The following MTMR14 variants were observed in gnomAD, a reference collection of about 807,000 sequenced individuals.
MTMR14 encodes the protein phosphatidylinositol-3,5-bisphosphate 3-phosphatase MTMR14.
In MTMR14, 48 loss-of-function variants were observed where a neutral mutation model predicts 86.3. The observed-to-expected ratio is 0.56, with a 90% CI of 0.44 to 0.71. MTMR14 has a LOEUF of 0.71. Among genes scored for constraint, MTMR14 ranks in the 30% least tolerant of loss-of-function variants. MTMR14 has a pLI of 0.00. For missense variants in MTMR14, 780 were observed against 834.6 expected (o/e 0.93, Z 0.81); for synonymous variants, 366 against 326.1 (o/e 1.12, Z -1.32).
At chr3:9,650,920 C>G (rs2047245960) in intron 1 of MTMR14, among the ~76,000 whole-genome samples, 1 of 152,038 alleles carries the variant, frequency 6.6e-6, no homozygotes, top group South Asian at 2.1e-4. Context: ...TCCCAAGTAG[C>G]TGGGATTACA....
At chr3:9,652,436 G>A (rs1237514179) in intron 1 of MTMR14, among the ~76,000 whole-genome samples, 1 of 152,138 alleles carries the variant, frequency 6.6e-6, no homozygotes, top group South Asian at 2.1e-4. Context: ...AATAGAGCTT[G>A]TAGGTACTAG....
intron 14 of MTMR14, 33 bp downstream of exon 14, chr3:9,687,924 CAGGGCGCTCTGAGA>C (rs2076014841): frequency 1.9e-6 from 3 of 1,555,480 alleles, no homozygotes; most frequent in African/African-American, 2.7e-5. Context: ...CATGCTGGGC[CAGGGCGCTCTGAGA>C]AGGGCTGCTC....
rs969854494 is a variant in MTMR14, at chr3:9,701,656, T to A, written c.1770-134T>A. On this transcript the variant is annotated intron_variant, in intron 18 of 18. Transcript: ENST00000296003. This position sits in a 1 kb window ranked among gnomAD's most constrained non-coding sequence, Gnocchi z 4.2. ...TGGGGCCTGAACCACAAGGATAGCATGGCCGTAGGACAGACACTGGCCTTG... is the reference window on the plus strand; with the variant it reads ...TGGGGCCTGAACCACAAGGATAGCAAGGCCGTAGGACAGACACTGGCCTTG... 1.7e-5 allele frequency: 18 copies of A among 1,053,760 alleles called. No homozygotes were observed. The African/African-American group carries it at 2.8e-4, about 16-fold the overall frequency. 65.3% of individuals were successfully genotyped at this position (1,053,760 alleles called of 1,614,324 possible). A position where few individuals can be genotyped will look rare whatever the true frequency, so the allele number is the denominator to read the frequency against.
At chr3:9,695,728 C>T (rs1221049784) in intron 17 of MTMR14, among the ~76,000 whole-genome samples, 1 of 152,244 alleles carries the variant, frequency 6.6e-6, no homozygotes, top group Non-Finnish European at 1.5e-5. Context: ...GCATCCCTTC[C>T]ATTCCCTCAA....
intron 1 of MTMR14, among the ~76,000 whole-genome samples, chr3:9,652,609 TGGTGGCTCACCCAGGAGGCAGA>T (rs1378322485): frequency 2.0e-5 from 3 of 150,932 alleles, no homozygotes; most frequent in Non-Finnish European, 4.4e-5. Context: ...TGGCTGGGCG[TGGTGGCTCACCCAGGAGGCAGA>T]GGTTGCAGTG....
chr3:9,697,812 A>G lies in MTMR14; in HGVS notation c.1715A>G (p.His572Arg). 7 of 1,614,194 alleles carry G rather than the reference A, an allele frequency of 4.3e-6. No individual in the cohort carries two copies. The highest frequency in any genetic ancestry group is 5.9e-6 in the Non-Finnish European group (7 of 1,180,032). Residue 572 changes from histidine to arginine, a missense_variant, in exon 18 of 19, where the codon CAC becomes CGC. His to Arg is a conservative substitution (Grantham distance 29). Transcript: ENST00000296003. ...CGSIQERAVL[H>R]TDSSLPFSFP... ...AGTATTCAGGAGCGGGCTGTCCTGC[A>G]CACAGACTCCTCTCTCCCTTTCAGC...
At chr3:9,684,849 A>G in intron 11 of MTMR14, 39 bp from the exon 12 acceptor site, 2 of 1,604,602 alleles carry the variant, frequency 1.2e-6, no homozygotes, top group Non-Finnish European at 8.5e-7. Context: ...CCTGGGGATG[A>G]GAAGAGGGCT....
At chr3:9,672,831 C>A in intron 7 of MTMR14, 73 bp downstream of exon 7, 1 of 1,372,320 alleles carries the variant, frequency 7.3e-7, no homozygotes, top group Non-Finnish European at 1.0e-6. Flanking sequence ...GCCCTCTCTA[C>A]TTAGTTACAC....
At chr3:9,672,637 T>TTG in intron 6 of MTMR14, 48 bp from the exon 7 acceptor site, 4 of 1,457,650 alleles carry the variant, frequency 2.7e-6, no homozygotes, top group Non-Finnish European at 3.9e-6. Context: ...TGGTGTGTGT[T>TTG]TGTGTGTGTG....
At position 9,672,651 on chromosome 3, in the gene MTMR14, C is replaced by T. The variant is rs374240560; in HGVS notation, c.678-34C>T. 392 of 1,566,640 alleles carry T rather than the reference C, an allele frequency of 2.5e-4. 1 individual carries two copies. Among genetic ancestry groups the T allele is most frequent in the South Asian group, 1.0e-3 (90 of 90,114 alleles). On this transcript the variant is annotated intron_variant, in intron 6 of 18. Transcript: ENST00000296003. ...ATGGTGTGTGTTTGTGTGTGTGTTG[C>T]GACACTGTAACACATTGTATCCTTG...
intron 1 of MTMR14, among the ~76,000 whole-genome samples, chr3:9,653,157 C>T (rs2047400999): frequency 6.6e-6 from 1 of 152,222 alleles, no homozygotes; most frequent in Non-Finnish European, 1.5e-5. Flanking sequence ...ATCGCTTGAA[C>T]CCCGGACGCG....
rs375034164 is a variant in MTMR14, at chr3:9,678,155, G to C, written c.897+97G>C. On this transcript the variant is annotated intron_variant, in intron 9 of 18. Coordinates refer to ENST00000296003, the MANE Select transcript of MTMR14 (RefSeq NM_001077525.3). Reference sequence around the variant, plus strand: ...CCACAAGGCCCTCGTGTGTTTGCCTGATGGGCTGGCTTGTGCACTCAGATG... The same window carrying C: ...CCACAAGGCCCTCGTGTGTTTGCCTCATGGGCTGGCTTGTGCACTCAGATG... The C allele has an allele frequency of 8.6e-5, 111 of 1,284,258 alleles. No individual in the cohort carries two copies. In the Middle Eastern group the frequency reaches 9.7e-4, roughly 11 times the overall value. 79.6% of individuals were successfully genotyped at this position (1,284,258 alleles called of 1,614,324 possible).
chr3:9,669,076 G>A (rs1243339898), intron 4 of MTMR14, among the ~76,000 whole-genome samples: 1 of 151,422 alleles, frequency 6.6e-6, no homozygotes, highest in Non-Finnish European at 1.5e-5. Context: ...GGAGATGGAG[G>A]TTGCAGTGAG....
intron 18 of MTMR14, among the ~76,000 whole-genome samples, chr3:9,699,272 A>G (rs551859949): frequency 6.6e-6 from 1 of 152,124 alleles, no homozygotes. Context: ...TCCCTGCTTG[A>G]TAGCACTCCT....
Position 9,685,772 on chromosome 3 carries a change from C to A in MTMR14, c.1164+525C>A, listed in dbSNP as rs545720185. ...CCAATGTGCTCAGCACTCTCTCCCC[C>A]ATGCCTGTCGCCTTTTCTGCGCCCC... On this transcript the variant is annotated intron_variant, in intron 13 of 18. Transcript: ENST00000296003. 2.6e-5 allele frequency among the ~76,000 whole-genome samples: 4 copies of A among 152,260 alleles called. No homozygotes were observed. The East Asian group carries it at 7.7e-4, about 29-fold the overall frequency.
intron 2 of MTMR14, chr3:9,659,729 A>G (rs923617244): frequency 2.2e-6 from 1 of 456,078 alleles, no homozygotes; most frequent in African/African-American, 2.0e-5. Context: ...GGCATGAGCC[A>G]CTGTGCCTGG....
At chr3:9,683,989 C>T (rs944901376) in intron 10 of MTMR14, among the ~76,000 whole-genome samples, 3 of 152,162 alleles carry the variant, frequency 2.0e-5, no homozygotes, top group Admixed American at 6.5e-5. Context: ...GGGTTAAGTG[C>T]CCATCCTTGA....
Position 9,649,593 on chromosome 3 carries a change from G to A in MTMR14, c.10G>A (p.Ala4Thr), listed in dbSNP as rs1574900666. MAGARAAAAAASAG... is the reference protein window; with the variant it reads MAGTRAAAAAASAG... ...GACGCGGGGCTGGGCCATGGCCGGCGCTCGGGCCGCCGCCGCCGCTGCCTC... is the reference window on the plus strand; with the variant it reads ...GACGCGGGGCTGGGCCATGGCCGGCACTCGGGCCGCCGCCGCCGCTGCCTC... Residue 4 changes from alanine (A) to threonine (T), a missense_variant, in exon 1 of 19, where the codon GCT (alanine) becomes ACT (threonine). By Grantham distance (58) the Ala-to-Thr change is moderately conservative (BLOSUM62 0). Transcript: ENST00000296003. The A allele has an allele frequency of 4.5e-6, 7 of 1,545,392 alleles. No individual in the cohort carries two copies. The highest frequency in any genetic ancestry group is 2.5e-5 in the East Asian group (1 of 40,816).
At chr3:9,658,506 A>G (rs942115820) in intron 2 of MTMR14, among the ~76,000 whole-genome samples, 1 of 152,248 alleles carries the variant, frequency 6.6e-6, no homozygotes, top group Non-Finnish European at 1.5e-5. Context: ...AGAGTCCAAT[A>G]AAGAAGCAAT....
Sources: gnomAD v4.1 joint callset for allele counts (sites outside exome capture counted in the v4.1 genomes callset) on GRCh38, gnomAD v4.1.1 for gene constraint, Gnocchi (gnomAD v3.1) non-coding constraint, MANE v1.5 for transcripts, NCBI Gene and HGNC (gene_info 2026-07-23, HGNC 2026-07-21) for gene names.